The following PREX2 variants were observed in gnomAD, a reference collection of about 807,000 sequenced individuals.
PREX2 encodes the protein phosphatidylinositol-3,4,5-trisphosphate dependent Rac exchange factor 2, also known as phosphatidylinositol 3,4,5-trisphosphate-dependent Rac exchanger 2 protein.
In PREX2, 107 loss-of-function variants were observed where a neutral mutation model predicts 203.2. That is an observed-to-expected ratio of 0.53 (90% CI 0.45 to 0.62). The LOEUF is 0.62. PREX2 is among the 20% of genes least tolerant of loss of function. PREX2 has a pLI of 0.00. For synonymous variants in PREX2, 672 were observed against 663.6 expected (o/e 1.01, Z -0.19); for missense variants, 1,777 against 1,955.9 (o/e 0.91, Z 1.72).
At chr8:68,189,598 C>A (rs1239875378) in intron 35 of PREX2, among the ~76,000 whole-genome samples, 1 of 152,118 alleles carries the variant, frequency 6.6e-6, no homozygotes, top group Non-Finnish European at 1.5e-5. Context: ...TGATCTAGTG[C>A]TTTTATAGAC....
At chr8:67,989,346 A>G (rs891957260) in intron 1 of PREX2, among the ~76,000 whole-genome samples, 6 of 152,142 alleles carry the variant, frequency 3.9e-5, no homozygotes, top group Non-Finnish European at 8.8e-5. Context: ...TTTTAAATGT[A>G]TTTTTAAAAC....
chr8:68,153,415 A>G (rs1034670008), intron 34 of PREX2, among the ~76,000 whole-genome samples: 2 of 152,204 alleles, frequency 1.3e-5, no homozygotes, highest in Non-Finnish European at 2.9e-5. Context: ...TCTAACATTC[A>G]TTAGGTTTTC....
intron 1 of PREX2, among the ~76,000 whole-genome samples, chr8:67,964,223 T>A (rs1805708015): frequency 6.6e-6 from 1 of 152,156 alleles, no homozygotes; most frequent in African/African-American, 2.4e-5. Context: ...GACCCAGAAA[T>A]GACACACATC....
At position 68,080,831 on chromosome 8, in the gene PREX2, A is replaced by G; in HGVS notation, c.1871A>G (p.Asn624Ser). The G allele has an allele frequency of 6.9e-7, 1 of 1,447,356 alleles. No individual in the cohort carries two copies. The highest frequency in any genetic ancestry group is 9.6e-7 in the Non-Finnish European group (1 of 1,037,636). The allele number at this position is 1,447,356 out of a possible 1,614,324, so 89.7% of individuals were successfully genotyped here. The change falls in exon 17 of 40, where the codon AAT (asparagine) becomes AGT (serine). Residue 624 changes from asparagine to serine, a missense_variant. Physicochemically the swap from Asn to Ser is conservative, Grantham distance 46 (BLOSUM62 1). Transcript: ENST00000288368. ...PIIKLVEKGS[N>S]AEMAGMEVGK... ...ATAAAGTTGGTAGAAAAGGGATCTA[A>G]TGCTGAGGTAATGTAAATTAGCGTT...
chr8:67,991,044 C>T (rs900185986), intron 1 of PREX2, among the ~76,000 whole-genome samples: 3 of 152,070 alleles, frequency 2.0e-5, no homozygotes, highest in African/African-American at 4.8e-5. Flanking sequence ...TCAGCTAACC[C>T]GATTTGTATG....
chr8:68,061,165 C>G (rs560919819), intron 11 of PREX2, among the ~76,000 whole-genome samples: 1 of 152,228 alleles, frequency 6.6e-6, no homozygotes, highest in African/African-American at 2.4e-5. Flanking sequence ...GGCATTCCAC[C>G]CGGAGGAAAT....
At chr8:68,087,404 G>A (rs1809725014) in intron 18 of PREX2, among the ~76,000 whole-genome samples, 2 of 152,192 alleles carry the variant, frequency 1.3e-5, no homozygotes, top group African/African-American at 4.8e-5. Context: ...CCTTGTGCCT[G>A]TAGTCCCAGC....
intron 1 of PREX2, among the ~76,000 whole-genome samples, chr8:68,009,274 C>A (rs749726662): frequency 6.6e-6 from 1 of 152,158 alleles, no homozygotes; most frequent in Non-Finnish European, 1.5e-5. Flanking sequence ...CGGGAAATGA[C>A]CAGTTTCCTG....
At chr8:68,200,347 A>G (rs1325107135) in intron 37 of PREX2, among the ~76,000 whole-genome samples, 1 of 152,134 alleles carries the variant, frequency 6.6e-6, no homozygotes, top group Non-Finnish European at 1.5e-5. Context: ...ATAAATCTTA[A>G]TTACTCTCAG....
chr8:68,091,019 G>C (rs1585779792), intron 20 of PREX2, among the ~76,000 whole-genome samples: 1 of 152,116 alleles, frequency 6.6e-6, no homozygotes. Context: ...CTGTTTTCTT[G>C]GCCCTTGTGA....
intron 11 of PREX2, among the ~76,000 whole-genome samples, chr8:68,064,376 G>T (rs1016844219): frequency 9.2e-5 from 14 of 151,924 alleles, no homozygotes; most frequent in Non-Finnish European, 1.9e-4. Context: ...CTTTTGGGGG[G>T]TTGGGGGGCA....
chr8:68,013,456 G>T (rs1807323333), intron 1 of PREX2, among the ~76,000 whole-genome samples: 1 of 152,046 alleles, frequency 6.6e-6, no homozygotes, highest in Admixed American at 6.6e-5. Flanking sequence ...AGACCCAACA[G>T]GTCCAGAACA....
At chr8:68,157,205 T>C (rs568375587) in intron 34 of PREX2, 117 bp from the exon 35 acceptor site, 1 of 482,352 alleles carries the variant, frequency 2.1e-6, no homozygotes, top group South Asian at 5.0e-5. Flanking sequence ...TTTTTTTGCA[T>C]ATATGTTGAT....
intron 35 of PREX2, among the ~76,000 whole-genome samples, chr8:68,165,737 T>TC (rs1253801209): frequency 3.3e-5 from 5 of 152,212 alleles, no homozygotes; most frequent in Non-Finnish European, 4.4e-5. Flanking sequence ...AACCAGCTTT[T>TC]TCTTATTGTG....
intron 37 of PREX2, among the ~76,000 whole-genome samples, chr8:68,194,800 CA>C (rs11301210): frequency 0.87 from 123,680 of 142,896 alleles, 53,423 homozygotes; most frequent in East Asian, 0.99. Flanking sequence ...GACTGTGTCT[CA>C]AAAAAAAAAA....
At chr8:68,098,938 G>GTA (rs71253061) in intron 22 of PREX2, among the ~76,000 whole-genome samples, 10,753 of 108,234 alleles carry the variant, frequency 0.099, 522 homozygotes, top group African/African-American at 0.11. Flanking sequence ...ATATATATGT[G>GTA]TATATATATA....
chr8:68,096,440 A>C (rs1197412134), intron 21 of PREX2, among the ~76,000 whole-genome samples: 1 of 152,172 alleles, frequency 6.6e-6, no homozygotes, highest in East Asian at 1.9e-4. Context: ...CTGACGTACC[A>C]TATGTAGGCT....
chr8:68,114,260 A>T (rs776666964), intron 25 of PREX2: 9 of 494,050 alleles, frequency 1.8e-5, no homozygotes, highest in Admixed American at 1.7e-4. Context: ...TATTTATTCA[A>T]TGCACAGCAT....
chr8:68,134,316 T>C (rs769249144), intron 32 of PREX2, 40 bp downstream of exon 32: 1 of 1,441,800 alleles, frequency 6.9e-7, no homozygotes, highest in East Asian at 2.3e-5. Context: ...GTGTCAACTG[T>C]AACCTGCACT....
Sources: gnomAD v4.1 joint callset for allele counts (sites outside exome capture counted in the v4.1 genomes callset) on GRCh38, gnomAD v4.1.1 for gene constraint, MANE v1.5 for transcripts, NCBI Gene and HGNC (gene_info 2026-07-23, HGNC 2026-07-21) for gene names.